Variants in ADAM22 observed in about 807,000 individuals in gnomAD.
ADAM22 encodes ADAM metallopeptidase domain 22.
Under a neutral mutation model 144.6 loss-of-function variants are expected in ADAM22, and 65 were observed. That is an observed-to-expected ratio of 0.45 (90% CI 0.37 to 0.55). The LOEUF (loss-of-function observed/expected upper bound fraction) is 0.55, where lower values mean the gene tolerates loss of function less well. Among genes scored for constraint, ADAM22 ranks in the 20% least tolerant of loss-of-function variants. The pLI, the probability that ADAM22 is intolerant of heterozygous loss-of-function variation, is 0.00. For synonymous variants in ADAM22, 391 were observed against 412.6 expected (o/e 0.95, Z 0.63); for missense variants, 974 against 1,184.9 (o/e 0.82, Z 2.61).
Position 88,131,373 on chromosome 7 carries a change from T to A in ADAM22, c.930T>A (p.Arg310=). 1 of 1,613,794 alleles carries A rather than the reference T, an allele frequency of 6.2e-7. No individual in the cohort carries two copies. Among genetic ancestry groups the A allele is most frequent in the Admixed American group, 1.7e-5 (1 of 59,946 alleles). ...CTGAAAATCCATTGATCACCCTACGTGAGTTTATGAAATACAGGAGGGATT... is the reference window on the plus strand; with the variant it reads ...CTGAAAATCCATTGATCACCCTACGAGAGTTTATGAAATACAGGAGGGATT... ...AISENPLITL[R]EFMKYRRDFI... The change falls in exon 11 of 32, where the codon CGT becomes CGA. Residue 310 remains arginine, a synonymous_variant. Coordinates refer to ENST00000413139, the MANE Select transcript of ADAM22 (RefSeq NM_001324418.2).
intron 2 of ADAM22, among the ~76,000 whole-genome samples, chr7:87,971,033 A>G (rs546240079): frequency 6.6e-6 from 1 of 152,186 alleles, no homozygotes; most frequent in Admixed American, 6.5e-5. Context: ...ACTTTACCAT[A>G]TCCATGTAAT....
Position 87,974,706 on chromosome 7 carries a change from AAAC to A in ADAM22, c.247-3620_247-3618del, listed in dbSNP as rs139907125. 4.5e-3 allele frequency among the ~76,000 whole-genome samples: 680 copies of A among 152,332 alleles called. 2 individuals are homozygous for A. Among genetic ancestry groups the A allele is most frequent in the African/African-American group, 0.015 (637 of 41,570 alleles). On this transcript the variant is annotated intron_variant, in intron 2 of 31. Transcript: ENST00000413139. ...ACATTAGCAGAAACTTCGTTGCCTG[AAAC>A]AACAACAACTTATTGTCTTACAACT...
At chr7:88,016,248 T>C (rs1466768509) in intron 3 of ADAM22, among the ~76,000 whole-genome samples, 2 of 152,158 alleles carry the variant, frequency 1.3e-5, no homozygotes, top group East Asian at 3.8e-4. Context: ...AATGTAACAT[T>C]TTCTAATTGT....
At chr7:88,125,850 G>A (rs1439960059) in intron 8 of ADAM22, among the ~76,000 whole-genome samples, 191 bp downstream of exon 8, 1 of 151,962 alleles carries the variant, frequency 6.6e-6, no homozygotes, top group African/African-American at 2.4e-5. Context: ...GATGCAAAAA[G>A]GATTCAAGAT....
intron 2 of ADAM22, among the ~76,000 whole-genome samples, chr7:87,940,287 C>G (rs770318621): frequency 3.1e-4 from 47 of 151,478 alleles, no homozygotes; most frequent in Admixed American, 3.9e-4. Flanking sequence ...TCACTATGTA[C>G]CCCATAAATA....
At chr7:88,094,535 G>A (rs1321875377) in intron 4 of ADAM22, among the ~76,000 whole-genome samples, 2 of 152,166 alleles carry the variant, frequency 1.3e-5, no homozygotes, top group Non-Finnish European at 2.9e-5. Context: ...CAACTCAGAA[G>A]AATCAGGTAC....
rs572836915 is a variant in ADAM22 at position 88,030,532 on chromosome 7, T to A, written c.324-45094T>A. On this transcript the variant is annotated intron_variant, in intron 3 of 31. Coordinates refer to ENST00000413139, the MANE Select transcript of ADAM22 (RefSeq NM_001324418.2). ...GCTCTGTGTCTCCACCCAAATCTCA[T>A]GTTGAATTGTAATTCCTAATTTTGG... Among the ~76,000 whole-genome samples the A allele has an allele frequency of 1.4e-3, 212 of 152,272 alleles. 1 individual carries two copies. Among genetic ancestry groups the A allele is most frequent in the Non-Finnish European group, 2.6e-3 (174 of 68,020 alleles).
intron 3 of ADAM22, among the ~76,000 whole-genome samples, chr7:88,060,942 A>G (rs536606735): frequency 6.6e-6 from 1 of 151,978 alleles, no homozygotes; most frequent in Non-Finnish European, 1.5e-5. Flanking sequence ...TGTCTCTACT[A>G]AAAATACAAA....
chr7:88,084,687 G>A (rs1020584696), intron 4 of ADAM22, among the ~76,000 whole-genome samples: 3 of 152,010 alleles, frequency 2.0e-5, no homozygotes, highest in Non-Finnish European at 4.4e-5. Context: ...ATAAATCAAA[G>A]TTGTAACGTT....
intron 14 of ADAM22, 129 bp from the exon 15 acceptor site, chr7:88,142,897 G>T: frequency 1.1e-5 from 6 of 533,872 alleles, no homozygotes; most frequent in Non-Finnish European, 1.0e-5. Flanking sequence ...GAATATAAAT[G>T]TCATACATAA....
chr7:88,156,022 T>C lies in ADAM22; in HGVS notation c.1907+16T>C, dbSNP rs764705140. 26 of 1,611,352 alleles carry C rather than the reference T, an allele frequency of 1.6e-5. No individual in the cohort carries two copies. The Admixed American group carries it at 2.3e-4, about 15-fold the overall frequency. ...TAAACTGCAGGTAATTATCTAACCA[T>C]TCTGTAAGAATCTGAGTCATCTTAT... On this transcript the variant is annotated intron_variant, in intron 22 of 31. Coordinates refer to ENST00000413139, the MANE Select transcript of ADAM22 (RefSeq NM_001324418.2).
chr7:87,938,700 A>C (rs1323754311), intron 2 of ADAM22, among the ~76,000 whole-genome samples: 2 of 151,950 alleles, frequency 1.3e-5, no homozygotes, highest in Non-Finnish European at 2.9e-5. Flanking sequence ...GGCTGGATGG[A>C]GTGCAGCGGC....
intron 4 of ADAM22, among the ~76,000 whole-genome samples, chr7:88,084,314 T>G (rs1480858999): frequency 2.0e-5 from 3 of 152,164 alleles, no homozygotes; most frequent in Non-Finnish European, 4.4e-5. Flanking sequence ...TGCAGTTTCT[T>G]TGTTGATGGT....
chr7:88,108,044 C>A, intron 4 of ADAM22, 132 bp from the exon 5 acceptor site: 1 of 635,024 alleles, frequency 1.6e-6, no homozygotes, highest in Non-Finnish European at 2.7e-6. Flanking sequence ...TTTGATAATG[C>A]TAATCTGAAT....
At chr7:88,118,655 CTA>C (rs35422665) in intron 7 of ADAM22, among the ~76,000 whole-genome samples, 17 of 137,158 alleles carry the variant, frequency 1.2e-4, no homozygotes, top group South Asian at 2.2e-4. Flanking sequence ...ATCTATCTAT[CTA>C]TATATATATA....
At chr7:87,985,843 G>A (rs1233237611) in intron 3 of ADAM22, among the ~76,000 whole-genome samples, 1 of 152,066 alleles carries the variant, frequency 6.6e-6, no homozygotes, top group East Asian at 1.9e-4. Flanking sequence ...TGGAATGGTT[G>A]GATCATATGG....
At chr7:87,934,813 C>A (rs1459784521) in intron 1 of ADAM22, 1 of 703,042 alleles carries the variant, frequency 1.4e-6, no homozygotes, top group Non-Finnish European at 2.4e-6. Context: ...GGGTGCCCTG[C>A]TTCTGGGCCC....
chr7:87,975,485 C>T (rs759135969), intron 2 of ADAM22, among the ~76,000 whole-genome samples: 3 of 152,114 alleles, frequency 2.0e-5, no homozygotes, highest in Non-Finnish European at 4.4e-5. Flanking sequence ...ACTATGTTAA[C>T]ATACTCCTGT....
At chr7:88,184,480 T>A (rs1847841760) in intron 29 of ADAM22, 2 of 232,384 alleles carry the variant, frequency 8.6e-6, no homozygotes, top group East Asian at 1.6e-4. Flanking sequence ...GAGAACAGGG[T>A]CATTTGATCT....
Sources: gnomAD v4.1 joint callset for allele counts (sites outside exome capture counted in the v4.1 genomes callset) on GRCh38, gnomAD v4.1.1 for gene constraint, MANE v1.5 for transcripts, NCBI Gene and HGNC (gene_info 2026-07-23, HGNC 2026-07-21) for gene names.